The following ITGB5 variants were observed in gnomAD, a reference collection of about 807,000 sequenced individuals.
ITGB5 encodes the protein integrin beta-5.
ITGB5 carries 38 observed loss-of-function variants against 84.8 expected under a neutral mutation model. That is an observed-to-expected ratio of 0.45 (90% CI 0.35 to 0.59). The LOEUF (loss-of-function observed/expected upper bound fraction) is 0.59, where lower values mean the gene tolerates loss of function less well. Among genes scored for constraint, ITGB5 ranks in the 20% least tolerant of loss-of-function variants. The pLI is 0.01. For synonymous variants in ITGB5, 393 were observed against 414.4 expected (o/e 0.95, Z 0.63); for missense variants, 905 against 1,034.5 (o/e 0.87, Z 1.72).
At chr3:124,872,060 G>T (rs1934084226) in intron 2 of ITGB5, among the ~76,000 whole-genome samples, 1 of 152,072 alleles carries the variant, frequency 6.6e-6, no homozygotes, top group Admixed American at 6.6e-5. Flanking sequence ...GCTTGGATCT[G>T]CCCTGCAGGT....
chr3:124,844,090 T>G (rs1189264205), intron 4 of ITGB5, among the ~76,000 whole-genome samples: 2 of 150,708 alleles, frequency 1.3e-5, no homozygotes, highest in African/African-American at 4.9e-5. Flanking sequence ...GGATAAAATG[T>G]AATTTAAAAT....
rs1050817168 is a variant in ITGB5 at position 124,762,831 on chromosome 3, G to GCAGT, written c.*788_*791dup. 6.6e-5 allele frequency: 10 copies of GCAGT among 152,260 alleles called. No homozygotes were observed. The highest frequency in any genetic ancestry group is 2.4e-4 in the African/African-American group (10 of 41,442). 9.4% of individuals were successfully genotyped at this position (152,260 alleles called of 1,614,324 possible). ...GCACCTCATGCTTACTTGACAAGCT[G>GCAGT]CAGTCTGGAGTATCAGACCAGCCTG... On this transcript the variant is annotated 3_prime_UTR_variant, in exon 15 of 15. Transcript: ENST00000296181.
At chr3:124,788,204 C>T (rs773105924) in intron 10 of ITGB5, among the ~76,000 whole-genome samples, 2 of 152,104 alleles carry the variant, frequency 1.3e-5, no homozygotes, top group African/African-American at 4.8e-5. Flanking sequence ...CACCCAGCCC[C>T]GGGGGAGAAA....
intron 10 of ITGB5, among the ~76,000 whole-genome samples, chr3:124,782,596 G>A (rs894222357): frequency 1.3e-5 from 2 of 152,284 alleles, no homozygotes; most frequent in Admixed American, 1.3e-4. Flanking sequence ...GGTGGCTCAC[G>A]GCTGTAATCC....
intron 5 of ITGB5, among the ~76,000 whole-genome samples, chr3:124,831,210 C>T (rs1164000417): frequency 6.6e-6 from 1 of 152,158 alleles, no homozygotes; most frequent in East Asian, 1.9e-4. Flanking sequence ...CCCCTCTGCT[C>T]TCTCGCTGTC....
At chr3:124,889,119 C>T (rs1396685136), upstream of ITGB5, among the ~76,000 whole-genome samples, 1 of 152,184 alleles carries the variant, frequency 6.6e-6, no homozygotes, top group Non-Finnish European at 1.5e-5. Context: ...CTACATACCT[C>T]CCTCACAATT....
intron 1 of ITGB5, 22 bp downstream of exon 1, chr3:124,886,909 C>G: frequency 8.3e-7 from 1 of 1,207,612 alleles, no homozygotes; most frequent in Non-Finnish European, 1.0e-6. Context: ...TTTCTCTGGG[C>G]GCCGTGGGCG....
In ITGB5 at chr3:124,788,205, G is replaced by A. The variant is rs185038500; in HGVS notation, c.1693+8183C>T. Among the ~76,000 whole-genome samples the A allele has an allele frequency of 4.8e-3, 737 of 152,204 alleles. 6 individuals carry two copies. Among genetic ancestry groups the A allele is most frequent in the Non-Finnish European group, 6.9e-3 (472 of 68,002 alleles). On this transcript the variant is annotated intron_variant, in intron 10 of 14. Transcript: ENST00000296181. ...GGTGTGAGCCACTGCACCCAGCCCC[G>A]GGGGAGAAAAATATACTCAGTGCCC... is the stretch of plus-strand genomic sequence containing the variant.
At chr3:124,763,787 G>A in intron 14 of ITGB5, 69 bp from the exon 15 acceptor site, 1 of 913,852 alleles carries the variant, frequency 1.1e-6, no homozygotes, top group Admixed American at 1.9e-5. Context: ...ACAGACGCAG[G>A]CCCTAGGATC....
In ITGB5 at chr3:124,873,484, G is replaced by A. The variant is rs1579326631; in HGVS notation, c.118C>T (p.Leu40=). The A allele has an allele frequency of 6.2e-7, 1 of 1,613,828 alleles. No individual in the cohort carries two copies. Among genetic ancestry groups the A allele is most frequent in the African/African-American group, 1.3e-5 (1 of 74,960 alleles). The change falls in exon 2 of 15, where the codon CTG becomes TTG. Residue 40 remains leucine, a synonymous_variant. Transcript: ENST00000296181. The part of the protein sequence containing the change: ...SGSATSCEEC[L]LIHPKCAWCS... ...CAGGCACATTTTGGGTGGATTAGCAGACATTCTTCACATGAGGTGGCACTT... is the reference window on the plus strand; with the variant it reads ...CAGGCACATTTTGGGTGGATTAGCAAACATTCTTCACATGAGGTGGCACTT...
chr3:124,831,483 C>A (rs1288558298), intron 5 of ITGB5, among the ~76,000 whole-genome samples: 1 of 152,112 alleles, frequency 6.6e-6, no homozygotes, highest in Non-Finnish European at 1.5e-5. Flanking sequence ...TTCAAGGACG[C>A]CCCGTGGGAA....
At chr3:124,833,126 G>A (rs182108141) in intron 5 of ITGB5, 17 of 152,244 alleles carry the variant, frequency 1.1e-4, no homozygotes, top group Non-Finnish European at 2.4e-4. Context: ...TAAACTTAAT[G>A]AGGCCAAAAG....
At chr3:124,827,100 C>T (rs1037625037) in intron 5 of ITGB5, among the ~76,000 whole-genome samples, 2 of 151,970 alleles carry the variant, frequency 1.3e-5, no homozygotes, top group South Asian at 2.1e-4. Context: ...TGGATTGAAA[C>T]ACAAAACAAC....
At chr3:124,815,491 GGC>G (rs2064574941) in intron 8 of ITGB5, among the ~76,000 whole-genome samples, 1 of 152,230 alleles carries the variant, frequency 6.6e-6, no homozygotes, top group Non-Finnish European at 1.5e-5. Context: ...TCTTCCCAAA[GGC>G]CCTGACTCAG....
chr3:124,855,084 G>A (rs528199674), intron 3 of ITGB5, among the ~76,000 whole-genome samples: 1 of 152,252 alleles, frequency 6.6e-6, no homozygotes, highest in African/African-American at 2.4e-5. Flanking sequence ...AGGCCGAGGT[G>A]GGCAGATGAC....
chr3:124,783,180 A>G (rs2064029661), intron 10 of ITGB5, among the ~76,000 whole-genome samples: 1 of 149,994 alleles, frequency 6.7e-6, no homozygotes, highest in Admixed American at 6.8e-5. Flanking sequence ...AATTCCAGCT[A>G]CTCCAGAGGC....
upstream of ITGB5, among the ~76,000 whole-genome samples, chr3:124,888,226 C>CT (rs937435558): frequency 1.5e-4 from 23 of 152,112 alleles, no homozygotes; most frequent in African/African-American, 5.3e-4. Context: ...CCACTTTTCA[C>CT]TTTTTAACTT....
Position 124,796,719 on chromosome 3 carries a change from C to T in ITGB5, c.1362G>A (p.Glu454=), listed in dbSNP as rs778695702. 8.7e-6 allele frequency: 14 copies of T among 1,614,046 alleles called. No homozygotes were observed. In the East Asian group the frequency reaches 3.1e-4, roughly 36 times the overall value. The part of the protein sequence containing the change: ...LRPVGFRDSL[E]VGVTYNCTCG... ...ACGTGCAGTTGTAGGTGACCCCCAC[C>T]TCCAGGCTGTCCCGGAATCCCACCG... Residue 454 remains glutamate (E), a synonymous_variant, in exon 10 of 15, where the codon GAG becomes GAA. Coordinates refer to ENST00000296181, the MANE Select transcript of ITGB5 (RefSeq NM_002213.5).
At chr3:124,874,306 GAAAAAAAAAAAAA>G in intron 1 of ITGB5, among the ~76,000 whole-genome samples, 1 of 113,372 alleles carries the variant, frequency 8.8e-6, no homozygotes, top group East Asian at 2.7e-4. Context: ...TCAAAAGCCG[GAAAAAAAAAAAAA>G]AAAAAAAGAA....
Sources: gnomAD v4.1 joint callset for allele counts (sites outside exome capture counted in the v4.1 genomes callset) on GRCh38, gnomAD v4.1.1 for gene constraint, MANE v1.5 for transcripts, NCBI Gene and HGNC (gene_info 2026-07-23, HGNC 2026-07-21) for gene names.